STXBP5L: variants seen among roughly 807,000 people sequenced by gnomAD.
The protein encoded by STXBP5L is syntaxin binding protein 5L, also known as syntaxin-binding protein 5-like.
A neutral mutation model predicts 144.5 loss-of-function variants in STXBP5L; 65 were observed. The ratio of observed to expected loss-of-function variants is 0.45; its 90% CI spans 0.37 to 0.55. The LOEUF (loss-of-function observed/expected upper bound fraction) is 0.55, where lower values mean the gene tolerates loss of function less well. Ranked by LOEUF, STXBP5L falls within the 20% of genes least tolerant of loss-of-function variation. STXBP5L has a pLI of 0.00. For synonymous variants in STXBP5L, 505 were observed against 469.6 expected, an observed-to-expected ratio of 1.08 and a Z score of -0.97; for missense variants, 1,298 against 1,405.5, an observed-to-expected ratio of 0.92 and a Z score of 1.22.
intron 22 of STXBP5L, among the ~76,000 whole-genome samples, chr3:121,395,190 C>T (rs887299412): frequency 1.3e-5 from 2 of 152,140 alleles, no homozygotes; most frequent in Non-Finnish European, 2.9e-5. Flanking sequence ...TATACACATC[C>T]TTACTTGGGC....
intron 2 of STXBP5L, among the ~76,000 whole-genome samples, chr3:120,921,332 T>G (rs939669914): frequency 6.6e-6 from 1 of 151,986 alleles, no homozygotes; most frequent in South Asian, 2.1e-4. Flanking sequence ...TTTATTTATT[T>G]TTGCTATTGA....
At chr3:121,412,740 A>C (rs2047143685) in intron 23 of STXBP5L, among the ~76,000 whole-genome samples, 1 of 148,716 alleles carries the variant, frequency 6.7e-6, no homozygotes, top group African/African-American at 2.5e-5. Flanking sequence ...AAAAAAAAAA[A>C]AAAAAAAAAC....
rs568152805 is a variant in STXBP5L at position 121,270,006 on chromosome 3, T to A, written c.1959-9799T>A. Among the ~76,000 whole-genome samples, 4 of 152,332 alleles carry A rather than the reference T, an allele frequency of 2.6e-5. No homozygotes were observed. The East Asian group carries it at 7.7e-4, about 29-fold the overall frequency. On this transcript the variant is annotated intron_variant, in intron 18 of 26. Transcript: ENST00000471454. ...TCTATGTTTAGAAGTAAATTGCATATCTCACGTTTCAGTTTAAGAATTTTT... is the reference window on the plus strand; with the variant it reads ...TCTATGTTTAGAAGTAAATTGCATAACTCACGTTTCAGTTTAAGAATTTTT...
At chr3:121,297,062 T>C (rs2051681774) in intron 19 of STXBP5L, among the ~76,000 whole-genome samples, 1 of 152,156 alleles carries the variant, frequency 6.6e-6, no homozygotes, top group Non-Finnish European at 1.5e-5. Context: ...AAAGGGGGTA[T>C]AAAAGATTGA....
intron 3 of STXBP5L, among the ~76,000 whole-genome samples, chr3:120,985,002 A>G (rs553674556): frequency 6.6e-6 from 1 of 152,226 alleles, no homozygotes; most frequent in African/African-American, 2.4e-5. Flanking sequence ...GCATCTCAGG[A>G]ATAAATCCCA....
intron 20 of STXBP5L, among the ~76,000 whole-genome samples, chr3:121,365,585 A>G (rs1013376415): frequency 1.3e-5 from 2 of 151,756 alleles, no homozygotes; most frequent in African/African-American, 4.8e-5. Context: ...CTATCTTAAA[A>G]TTCTTTTTAT....
chr3:121,394,015 G>A (rs112419791), intron 22 of STXBP5L, among the ~76,000 whole-genome samples: 19,224 of 152,128 alleles, frequency 0.13, 1,356 homozygotes, highest in Middle Eastern at 0.18. Context: ...ATTGTTTTGG[G>A]CAGTATGGTC....
chr3:121,115,560 TA>T (rs1283933279), intron 6 of STXBP5L, among the ~76,000 whole-genome samples: 1 of 152,206 alleles, frequency 6.6e-6, no homozygotes, highest in Admixed American at 6.6e-5. Context: ...CACTGATATT[TA>T]AGTTTCTGTA....
intron 3 of STXBP5L, among the ~76,000 whole-genome samples, chr3:120,997,818 C>T (rs1252881669): frequency 6.6e-6 from 1 of 152,000 alleles, no homozygotes; most frequent in Non-Finnish European, 1.5e-5. Context: ...AATGTGGATG[C>T]AGAAATATAA....
intron 22 of STXBP5L, among the ~76,000 whole-genome samples, chr3:121,404,838 T>C (rs1337464281): frequency 6.6e-6 from 1 of 152,302 alleles, no homozygotes; most frequent in East Asian, 1.9e-4. Flanking sequence ...CCCTTCTTTA[T>C]TAGTTTGCTC....
At chr3:121,094,606 T>G (rs1258258318) in intron 5 of STXBP5L, among the ~76,000 whole-genome samples, 1 of 152,128 alleles carries the variant, frequency 6.6e-6, no homozygotes, top group East Asian at 1.9e-4. Context: ...CCTGCCTTTT[T>G]TTGTTTTCCA....
intron 15 of STXBP5L, among the ~76,000 whole-genome samples, chr3:121,251,790 T>G (rs2050034006): frequency 6.6e-6 from 1 of 152,106 alleles, no homozygotes; most frequent in African/African-American, 2.4e-5. Flanking sequence ...GGTTGAATAT[T>G]GATGATACTC....
chr3:120,980,189 T>G (rs1941603173), intron 3 of STXBP5L, among the ~76,000 whole-genome samples: 1 of 152,220 alleles, frequency 6.6e-6, no homozygotes, highest in African/African-American at 2.4e-5. Flanking sequence ...GAATATATAT[T>G]GTGTGGTTGT....
intron 2 of STXBP5L, among the ~76,000 whole-genome samples, chr3:120,914,223 A>T (rs931620207): frequency 2.0e-5 from 3 of 152,092 alleles, no homozygotes; most frequent in African/African-American, 7.2e-5. Flanking sequence ...AACAAAAGAT[A>T]AAAATAAGTA....
At chr3:121,019,382 C>T (rs573028575) in intron 3 of STXBP5L, among the ~76,000 whole-genome samples, 1 of 152,304 alleles carries the variant, frequency 6.6e-6, no homozygotes, top group African/African-American at 2.4e-5. Flanking sequence ...AAGGTGACCA[C>T]AGGGCAAGCT....
At chr3:121,230,975 G>T (rs1479273221) in intron 11 of STXBP5L, among the ~76,000 whole-genome samples, 1 of 152,144 alleles carries the variant, frequency 6.6e-6, no homozygotes, top group Non-Finnish European at 1.5e-5. Context: ...TTCTACATTA[G>T]ATTACCTAAG....
chr3:120,964,297 A>G (rs1005579212), intron 3 of STXBP5L, among the ~76,000 whole-genome samples: 1 of 151,802 alleles, frequency 6.6e-6, no homozygotes, highest in East Asian at 1.9e-4. Flanking sequence ...GATCTTAGTT[A>G]TTTCTTGCCT....
At chr3:121,234,421 A>G (rs889280666) in intron 12 of STXBP5L, among the ~76,000 whole-genome samples, 1 of 152,100 alleles carries the variant, frequency 6.6e-6, no homozygotes, top group Non-Finnish European at 1.5e-5. Context: ...AAAAAAATTC[A>G]TTATCTATAT....
rs780821377 is a variant in STXBP5L at position 121,318,505 on chromosome 3, C to T, written c.2141C>T (p.Pro714Leu). 7 of 1,563,454 alleles carry T rather than the reference C, an allele frequency of 4.5e-6. No individual in the cohort carries two copies. In the East Asian group the frequency reaches 1.2e-4, roughly 27 times the overall value. ...GLTELNDSPV[P>L]LELERCKSPT... ...ACTGAACTGAATGACAGTCCAGTTC[C>T]CCTAGAACTTGAGCGCTGCAAGTCT... is the stretch of plus-strand genomic sequence containing the variant. Residue 714 changes from proline to leucine, a missense_variant, in exon 20 of 27, where the codon CCC (proline) becomes CTC (leucine). Transcript: ENST00000471454.
Sources: allele counts gnomAD v4.1 joint callset (sites outside exome capture counted in the v4.1 genomes callset), GRCh38; gene constraint gnomAD v4.1.1; transcripts MANE v1.5; gene names NCBI Gene and HGNC (gene_info 2026-07-23, HGNC 2026-07-21).